Variants in STEAP1B observed in about 807,000 individuals in gnomAD.
STEAP1B encodes the protein STEAP family protein MGC87042.
A neutral mutation model predicts 27.9 loss-of-function variants in STEAP1B; 13 were observed. The observed-to-expected ratio is 0.47, with a 90% CI of 0.30 to 0.74. The LOEUF is 0.74. Ranked by LOEUF, STEAP1B falls within the 30% of genes least tolerant of loss-of-function variation. The probability of loss-of-function intolerance (pLI) is 0.06; values close to 1 mark genes in which losing one functional copy is unlikely to be tolerated. For missense variants in STEAP1B, 250 were observed against 298.7 expected (o/e 0.84, Z 1.20); for synonymous variants, 86 against 107.1 (o/e 0.80, Z 1.22).
chr7:22,442,594 C>T (rs538487588), intron 4 of STEAP1B, among the ~76,000 whole-genome samples: 71 of 152,216 alleles, frequency 4.7e-4, no homozygotes, highest in African/African-American at 1.3e-3. Flanking sequence ...AGAGGAACTG[C>T]GGGGGAGGGT....
rs75922735 is a variant in STEAP1B at position 22,429,089 on chromosome 7, T to C, written c.763-9253A>G. On this transcript the variant is annotated intron_variant, in intron 4 of 4. Coordinates refer to ENST00000678116, the MANE Select transcript of STEAP1B (RefSeq NM_001382447.1). ...TATACACTGCTTGTGGGAATATAAATGGACACAATCACTTTGGTAAACAAC... is the reference window on the plus strand; with the variant it reads ...TATACACTGCTTGTGGGAATATAAACGGACACAATCACTTTGGTAAACAAC... 9.0e-3 allele frequency among the ~76,000 whole-genome samples: 1,364 copies of C among 152,306 alleles called. 15 individuals carry two copies. Among genetic ancestry groups the C allele is most frequent in the African/African-American group, 0.031 (1,305 of 41,558 alleles).
At chr7:22,496,971 T>C (rs1449384129) in intron 1 of STEAP1B, among the ~76,000 whole-genome samples, 2 of 152,258 alleles carry the variant, frequency 1.3e-5, no homozygotes, top group African/African-American at 2.4e-5. Flanking sequence ...AGAACATTCA[T>C]GATGAAGATA....
intron 4 of STEAP1B, among the ~76,000 whole-genome samples, chr7:22,424,969 AACTAG>A (rs1338950562): frequency 2.6e-5 from 4 of 152,082 alleles, no homozygotes; most frequent in African/African-American, 9.7e-5. Context: ...TGCTAGAAGG[AACTAG>A]ACTAAAGTAT....
chr7:22,433,639 G>A (rs1047569501), intron 4 of STEAP1B, among the ~76,000 whole-genome samples: 8 of 152,160 alleles, frequency 5.3e-5, no homozygotes, highest in African/African-American at 1.9e-4. Context: ...CTTCTATTGG[G>A]CAGGAAAGAT....
chr7:22,484,717 G>C (rs1248391342), intron 4 of STEAP1B, among the ~76,000 whole-genome samples: 3 of 152,142 alleles, frequency 2.0e-5, no homozygotes, highest in African/African-American at 7.2e-5. Flanking sequence ...AATGGATCTG[G>C]GCAAAGTCAA....
chr7:22,438,784 G>T, intron 4 of STEAP1B: 1 of 1,535,980 alleles, frequency 6.5e-7, no homozygotes. Flanking sequence ...TGATACATTT[G>T]GTGCCTGTGT....
intron 4 of STEAP1B, among the ~76,000 whole-genome samples, chr7:22,451,173 G>A (rs66519458): frequency 0.14 from 20,497 of 148,966 alleles, 1,509 homozygotes; most frequent in Non-Finnish European, 0.18. Flanking sequence ...CTCCAGCATG[G>A]GCGACAGAGA....
intron 4 of STEAP1B, among the ~76,000 whole-genome samples, chr7:22,444,425 A>T (rs1388844051): frequency 2.7e-4 from 16 of 58,188 alleles, no homozygotes; most frequent in South Asian, 9.6e-4. Flanking sequence ...TCCCTGTTTT[A>T]AAAAAAAAAA....
intron 4 of STEAP1B, among the ~76,000 whole-genome samples, chr7:22,454,366 T>A (rs1785537079): frequency 6.6e-6 from 1 of 152,088 alleles, no homozygotes; most frequent in South Asian, 2.1e-4. Flanking sequence ...AATAGAGAAG[T>A]CACTATAGTG....
In STEAP1B at chr7:22,426,351, G is replaced by A. The variant is rs1422132537; in HGVS notation, c.763-6515C>T. ...AAATCCTCAAAGGACAAAAAAAAAT[G>A]AAGTAAAAGCATGAATTCAGTATTT... On this transcript the variant is annotated intron_variant, in intron 4 of 4. Transcript: ENST00000678116. Among the ~76,000 whole-genome samples the A allele has an allele frequency of 2.0e-5, 3 of 152,122 alleles. No homozygotes were observed. The East Asian group carries it at 5.8e-4, about 29-fold the overall frequency.
chr7:22,456,972 A>ATATATATATATATATATATT, intron 4 of STEAP1B, among the ~76,000 whole-genome samples: 2 of 57,080 alleles, frequency 3.5e-5, no homozygotes, highest in African/African-American at 1.4e-4. Flanking sequence ...ATATATATAT[A>ATATATATATATATATATATT]TTTTTTTTTT....
chr7:22,468,663 A>T (rs188016509), intron 4 of STEAP1B, among the ~76,000 whole-genome samples: 1 of 152,258 alleles, frequency 6.6e-6, no homozygotes, highest in Non-Finnish European at 1.5e-5. Context: ...TAGGTTAAAA[A>T]TTTGGAAATT....
At chr7:22,445,809 G>A (rs1008633268) in intron 4 of STEAP1B, among the ~76,000 whole-genome samples, 3 of 152,238 alleles carry the variant, frequency 2.0e-5, no homozygotes, top group Non-Finnish European at 4.4e-5. Context: ...TGAGGAGGCA[G>A]GAGAGGCGAA....
chr7:22,484,714 C>G (rs894560951), intron 4 of STEAP1B, among the ~76,000 whole-genome samples: 8 of 152,144 alleles, frequency 5.3e-5, no homozygotes, highest in African/African-American at 1.7e-4. Flanking sequence ...CTTAATGGAT[C>G]TGGGCAAAGT....
intron 4 of STEAP1B, among the ~76,000 whole-genome samples, chr7:22,423,526 G>A (rs1325618980): frequency 6.6e-6 from 1 of 152,146 alleles, no homozygotes; most frequent in South Asian, 2.1e-4. Context: ...ACCCTATATT[G>A]TGTGATTCCA....
intron 4 of STEAP1B, among the ~76,000 whole-genome samples, chr7:22,481,318 T>C (rs781103661): frequency 6.6e-6 from 1 of 152,228 alleles, no homozygotes; most frequent in Non-Finnish European, 1.5e-5. Flanking sequence ...TATTCAAATC[T>C]GAGCTCTGCC....
intron 4 of STEAP1B, among the ~76,000 whole-genome samples, chr7:22,481,951 A>C (rs1397449046): frequency 6.6e-6 from 1 of 152,206 alleles, no homozygotes; most frequent in Non-Finnish European, 1.5e-5. Flanking sequence ...ATGAAGATTC[A>C]TGCCTAATTA....
chr7:22,492,389 T>C, intron 4 of STEAP1B, 176 bp downstream of exon 4: 2 of 658,536 alleles, frequency 3.0e-6, no homozygotes, highest in East Asian at 3.9e-5. Context: ...GAAACACTTG[T>C]CCTAATTAGA....
chr7:22,467,522 A>G (rs1218770206), intron 4 of STEAP1B, among the ~76,000 whole-genome samples: 1 of 152,232 alleles, frequency 6.6e-6, no homozygotes, highest in Non-Finnish European at 1.5e-5. Context: ...TGTAGCTCCC[A>G]TAATTCCCTC....
Sources: allele counts gnomAD v4.1 joint callset (sites outside exome capture counted in the v4.1 genomes callset), GRCh38; gene constraint gnomAD v4.1.1; transcripts MANE v1.5; gene names NCBI Gene and HGNC (gene_info 2026-07-23, HGNC 2026-07-21).